Variants in AFG2A observed in about 807,000 individuals in gnomAD.
AFG2A encodes the protein AAA ATPase AFG2A, also known as ATPase family gene 2 protein homolog A.
At chr4:123,132,019 A>T in the AFG2A span, among the ~76,000 whole-genome samples, 1 of 126,730 alleles carries the variant, frequency 7.9e-6, no homozygotes, top group Non-Finnish European at 1.9e-5. Context: ...GTATGAGGCG[A>T]CATGCATTGT....
At chr4:123,125,881 T>G in the AFG2A span, among the ~76,000 whole-genome samples, 1 of 152,210 alleles carries the variant, frequency 6.6e-6, no homozygotes, top group Non-Finnish European at 1.5e-5. Flanking sequence ...CTGGTTGAGT[T>G]ATTTCCTTTA....
At chr4:123,188,048 A>AT in the AFG2A span, among the ~76,000 whole-genome samples, 1 of 151,204 alleles carries the variant, frequency 6.6e-6, no homozygotes, top group South Asian at 2.1e-4. Context: ...ATATTTCTGG[A>AT]TTTAAATAAA....
At chr4:123,255,754 TCCTGCTCCACCCA>T in the AFG2A span, among the ~76,000 whole-genome samples, 1 of 125,556 alleles carries the variant, frequency 8.0e-6, no homozygotes, top group African/African-American at 3.1e-5. Flanking sequence ...GACAGAGACC[TCCTGCTCCACCCA>T]CCTCAGCATC....
chr4:123,202,291 A>G, the AFG2A span, among the ~76,000 whole-genome samples: 1 of 152,020 alleles, frequency 6.6e-6, no homozygotes, highest in Non-Finnish European at 1.5e-5. Context: ...ACTTTTTAGC[A>G]TATACTACTA....
chr4:123,231,658 T>C, the AFG2A span, among the ~76,000 whole-genome samples: 1 of 152,038 alleles, frequency 6.6e-6, no homozygotes, highest in East Asian at 1.9e-4. Context: ...GCTTTTGGCC[T>C]TTCTCAGTTT....
chr4:123,210,620 A>G, the AFG2A span, among the ~76,000 whole-genome samples: 1 of 152,194 alleles, frequency 6.6e-6, no homozygotes, highest in African/African-American at 2.4e-5. Flanking sequence ...TATCTTGGCT[A>G]TTGTGAATAG....
At chr4:123,001,235 T>A in the AFG2A span, among the ~76,000 whole-genome samples, 1 of 152,244 alleles carries the variant, frequency 6.6e-6, no homozygotes, top group South Asian at 2.1e-4. Context: ...ATCAATTTTG[T>A]TCATCCTTCC....
At chr4:123,142,495 A>T in the AFG2A span, among the ~76,000 whole-genome samples, 1,057 of 152,268 alleles carry the variant, frequency 6.9e-3, 7 homozygotes, top group African/African-American at 0.023. Flanking sequence ...ATAATTTTGT[A>T]TTATATATGT....
At chr4:123,078,174 T>G in the AFG2A span, among the ~76,000 whole-genome samples, 1 of 152,176 alleles carries the variant, frequency 6.6e-6, no homozygotes, top group African/African-American at 2.4e-5. Context: ...GCACCTGATT[T>G]TATGCTTTTT....
chr4:123,238,000 A>C, the AFG2A span, among the ~76,000 whole-genome samples: 7 of 152,160 alleles, frequency 4.6e-5, no homozygotes, highest in Non-Finnish European at 4.4e-5. Flanking sequence ...CATGGTCTTA[A>C]CAACTGGCAG....
chr4:123,126,181 G>A, the AFG2A span, among the ~76,000 whole-genome samples: 1 of 152,088 alleles, frequency 6.6e-6, no homozygotes, highest in Non-Finnish European at 1.5e-5. Context: ...TGATATGCAC[G>A]TACTATTATA....
At chr4:122,933,783 T>C in the AFG2A span, among the ~76,000 whole-genome samples, 1 of 152,188 alleles carries the variant, frequency 6.6e-6, no homozygotes, top group South Asian at 2.1e-4. Flanking sequence ...ACAGATGCTA[T>C]CTTGGAGTGT....
chr4:123,111,026 A>G, the AFG2A span, among the ~76,000 whole-genome samples: 2 of 152,238 alleles, frequency 1.3e-5, no homozygotes, highest in Admixed American at 6.5e-5. Flanking sequence ...TTAAATTTTC[A>G]TAACATAGTA....
the AFG2A span, among the ~76,000 whole-genome samples, chr4:123,242,848 C>G: frequency 6.6e-6 from 1 of 151,934 alleles, no homozygotes; most frequent in African/African-American, 2.4e-5. Context: ...GCAATCTACC[C>G]ATCTGACAAA....
the AFG2A span, among the ~76,000 whole-genome samples, chr4:123,209,096 A>C: frequency 2.0e-5 from 3 of 152,296 alleles, no homozygotes; most frequent in African/African-American, 7.2e-5. Context: ...CTGGTAAATT[A>C]AGTGTTTTTG....
At chr4:122,987,258 A>G in the AFG2A span, among the ~76,000 whole-genome samples, 1,844 of 152,282 alleles carry the variant, frequency 0.012, 43 homozygotes, top group African/African-American at 0.041. Context: ...CTCTTTAAGA[A>G]CACATATAGA....
chr4:123,175,984 T>C, the AFG2A span, among the ~76,000 whole-genome samples: 9 of 152,186 alleles, frequency 5.9e-5, no homozygotes, highest in South Asian at 8.3e-4. Context: ...GAGCTGAGCT[T>C]GTATGAGATG....
the AFG2A span, among the ~76,000 whole-genome samples, chr4:123,169,974 G>C: frequency 1.3e-5 from 2 of 152,154 alleles, no homozygotes; most frequent in Non-Finnish European, 2.9e-5. Flanking sequence ...AGCTATATAA[G>C]GATACAACTT....
chr4:123,091,718 C>G, the AFG2A span, among the ~76,000 whole-genome samples: 1 of 152,158 alleles, frequency 6.6e-6, no homozygotes, highest in African/African-American at 2.4e-5. Flanking sequence ...TAAACTATTA[C>G]TACCACTTTT....
Sources: allele counts gnomAD v4.1 joint callset (sites outside exome capture counted in the v4.1 genomes callset), GRCh38; gene constraint gnomAD v4.1.1; transcripts MANE v1.5; gene names NCBI Gene and HGNC (gene_info 2026-07-23, HGNC 2026-07-21).